The following PLCB4 variants were observed in gnomAD, a reference collection of about 807,000 sequenced individuals.
PLCB4 encodes the protein 1-phosphatidylinositol 4,5-bisphosphate phosphodiesterase beta-4.
In PLCB4, 77 loss-of-function variants were observed where a neutral mutation model predicts 178.8. The observed-to-expected ratio is 0.43, with a 90% confidence interval of 0.36 to 0.52. The LOEUF (loss-of-function observed/expected upper bound fraction) is 0.52, where lower values mean the gene tolerates loss of function less well. Ranked by LOEUF, PLCB4 falls within the 20% of genes least tolerant of loss-of-function variation. PLCB4 has a pLI of 0.00. For synonymous variants in PLCB4, 496 were observed against 490.8 expected (o/e 1.01, Z -0.14); for missense variants, 1,024 against 1,453.4 (o/e 0.70, Z 4.80).
chr20:9,193,022 A>G (rs2093425197), intron 2 of PLCB4, among the ~76,000 whole-genome samples: 1 of 152,130 alleles, frequency 6.6e-6, no homozygotes, highest in Non-Finnish European at 1.5e-5. Flanking sequence ...GCAAGATGCA[A>G]AATGCTTCTT....
intron 3 of PLCB4, among the ~76,000 whole-genome samples, chr20:9,225,799 C>T (rs2093857623): frequency 1.3e-5 from 2 of 152,148 alleles, no homozygotes; most frequent in Admixed American, 6.5e-5. Context: ...CAGTTCAGCT[C>T]CCTGGATTAT....
At chr20:9,220,938 C>G (rs937595180) in intron 3 of PLCB4, among the ~76,000 whole-genome samples, 10 of 152,084 alleles carry the variant, frequency 6.6e-5, no homozygotes, top group African/African-American at 2.4e-4. Flanking sequence ...AGCTCTTATC[C>G]ATGGTACAAC....
chr20:9,295,786 G>C (rs910761890), intron 3 of PLCB4, among the ~76,000 whole-genome samples: 2 of 152,158 alleles, frequency 1.3e-5, no homozygotes, highest in Non-Finnish European at 2.9e-5. Flanking sequence ...CTACATCTCT[G>C]TTTTGGTACC....
In PLCB4 at chr20:9,092,702, A is replaced by G. The variant is rs146617669; in HGVS notation, c.-134-3585A>G. Reference sequence around the variant, plus strand: ...TGGCATCTCAGCAGTGCCATCAGGGAACCAGGTTCCTTCTGTCTTTCTCAC... The same window carrying G: ...TGGCATCTCAGCAGTGCCATCAGGGGACCAGGTTCCTTCTGTCTTTCTCAC... On this transcript the variant is annotated intron_variant, in intron 1 of 39. Transcript: ENST00000378473. Among the ~76,000 whole-genome samples the G allele has an allele frequency of 1.5e-3, 229 of 152,268 alleles. 2 individuals are homozygous for G. The highest frequency in any genetic ancestry group is 5.0e-3 in the African/African-American group (207 of 41,558).
chr20:9,387,223 A>T (rs760750514), intron 14 of PLCB4, among the ~76,000 whole-genome samples: 4 of 152,066 alleles, frequency 2.6e-5, no homozygotes, highest in Admixed American at 6.5e-5. Flanking sequence ...CAGAACCATG[A>T]TGCTTGTTAT....
intron 15 of PLCB4, 139 bp from the exon 16 acceptor site, chr20:9,389,740 G>A (rs2037981863): frequency 5.1e-6 from 3 of 588,498 alleles, no homozygotes; most frequent in South Asian, 2.3e-5. Flanking sequence ...CTTTAGAGGT[G>A]TCAAGGTAGA....
chr20:9,380,568 C>T lies in PLCB4; in HGVS notation c.853+406C>T, dbSNP rs565740855. On this transcript the variant is annotated intron_variant, in intron 13 of 39. Coordinates refer to ENST00000378473, the MANE Select transcript of PLCB4 (RefSeq NM_001377142.1). ...TTTGCCAAGCCAAATAAATTTAATACGTGATTTGATGTGCAGTAACCCTCA... is the reference window on the plus strand; with the variant it reads ...TTTGCCAAGCCAAATAAATTTAATATGTGATTTGATGTGCAGTAACCCTCA... 4.2e-4 allele frequency among the ~76,000 whole-genome samples: 64 copies of T among 152,194 alleles called. 1 individual carries two copies. Among genetic ancestry groups the T allele is most frequent in the Admixed American group, 1.3e-4 (2 of 15,274 alleles).
At chr20:9,387,652 A>G (rs1452053550) in intron 15 of PLCB4, 96 bp downstream of exon 15, 2 of 599,342 alleles carry the variant, frequency 3.3e-6, no homozygotes, top group African/African-American at 3.7e-5. Flanking sequence ...TCATTTTCTC[A>G]AGCATTATGC....
rs2122774276 is a variant in PLCB4 at position 9,480,579 on chromosome 20, C to A, written c.*1570C>A. On this transcript the variant is annotated 3_prime_UTR_variant, in exon 40 of 40. Coordinates refer to ENST00000378473, the MANE Select transcript of PLCB4 (RefSeq NM_001377142.1). Reference sequence around the variant, plus strand: ...TATTTTCAAAGGGGGCTTATTAATACCCTCAGCATGTTTTTCACCCAAATG... The same window carrying A: ...TATTTTCAAAGGGGGCTTATTAATAACCTCAGCATGTTTTTCACCCAAATG... 1 of 152,228 alleles carries A rather than the reference C, an allele frequency of 6.6e-6. No homozygotes were observed. Among genetic ancestry groups the A allele is most frequent in the Non-Finnish European group, 1.5e-5 (1 of 68,008 alleles). The allele number at this position is 152,228 out of a possible 1,614,324, so 9.4% of individuals were successfully genotyped here.
intron 2 of PLCB4, among the ~76,000 whole-genome samples, chr20:9,180,440 A>G (rs2093226444): frequency 6.6e-6 from 1 of 152,138 alleles, no homozygotes; most frequent in African/African-American, 2.4e-5. Flanking sequence ...AAATTGGGGC[A>G]TTTATTAGTT....
At chr20:9,099,391 G>T (rs1020138006) in intron 2 of PLCB4, among the ~76,000 whole-genome samples, 3 of 152,122 alleles carry the variant, frequency 2.0e-5, no homozygotes, top group African/African-American at 7.2e-5. Context: ...TTCTTGTATG[G>T]TAGCTTGGTT....
intron 32 of PLCB4, among the ~76,000 whole-genome samples, chr20:9,449,362 T>C (rs1250984002): frequency 6.6e-6 from 1 of 152,010 alleles, no homozygotes; most frequent in Non-Finnish European, 1.5e-5. Context: ...CAAATGCCTA[T>C]GGGGTCCAAG....
At chr20:9,248,128 ATATATAT>A (rs1035899204) in intron 3 of PLCB4, among the ~76,000 whole-genome samples, 50 of 152,124 alleles carry the variant, frequency 3.3e-4, no homozygotes, top group Non-Finnish European at 6.3e-4. Flanking sequence ...TTTATATTAC[ATATATAT>A]TATATATCTC....
In PLCB4 at chr20:9,419,989, TA is replaced by T. The variant is rs1372654697; in HGVS notation, c.2154+83del. The T allele has an allele frequency of 1.3e-5, 11 of 874,022 alleles. No homozygotes were observed. In the East Asian group the frequency reaches 2.4e-4, roughly 19 times the overall value. The allele number at this position is 874,022 out of a possible 1,614,324, so 54.1% of individuals were successfully genotyped here. On this transcript the variant is annotated intron_variant, in intron 26 of 39. Coordinates refer to ENST00000378473, the MANE Select transcript of PLCB4 (RefSeq NM_001377142.1). ...AAAGAAATTATAAAATATTGAATGT[TA>T]AATTGCAAGATCCATGTGCTGCTCA...
rs1377625881 is a variant in PLCB4, at chr20:9,480,313, C to G, written c.*1304C>G. The G allele has an allele frequency of 6.6e-6, 1 of 152,612 alleles. No homozygotes were observed. Among genetic ancestry groups the G allele is most frequent in the Non-Finnish European group, 1.5e-5 (1 of 68,040 alleles). The allele number at this position is 152,612 out of a possible 1,614,324, so 9.5% of individuals were successfully genotyped here. A position where few individuals can be genotyped will look rare whatever the true frequency, so the allele number is the denominator to read the frequency against. On this transcript the variant is annotated 3_prime_UTR_variant, in exon 40 of 40. Coordinates refer to ENST00000378473, the MANE Select transcript of PLCB4 (RefSeq NM_001377142.1). ...CGCATGGAAACCCGGTAGTCTAGAA[C>G]TAATCAGATTACTGATTTTAGGGCA...
chr20:9,076,147 C>T (rs922629856), intron 1 of PLCB4, among the ~76,000 whole-genome samples: 54 of 151,954 alleles, frequency 3.6e-4, no homozygotes, highest in Middle Eastern at 3.4e-3. Flanking sequence ...ATGTTTTTTC[C>T]TCCTGTTTCA....
chr20:9,311,659 C>G (rs1266018555), intron 4 of PLCB4, among the ~76,000 whole-genome samples: 1 of 152,120 alleles, frequency 6.6e-6, no homozygotes, highest in East Asian at 1.9e-4. Flanking sequence ...AATTCAAGTC[C>G]CTCCTCATCC....
chr20:9,153,275 A>G (rs1036946953), intron 2 of PLCB4, among the ~76,000 whole-genome samples: 7 of 152,142 alleles, frequency 4.6e-5, no homozygotes, highest in Admixed American at 3.3e-4. Context: ...GGAGGGGCCA[A>G]GGGTGGAATG....
chr20:9,363,121 C>T (rs554848892), intron 8 of PLCB4, 146 bp downstream of exon 8: 87 of 675,214 alleles, frequency 1.3e-4, no homozygotes, highest in South Asian at 5.5e-4. Context: ...CCAACACACA[C>T]CTGTACTCTT....
Sources: allele counts gnomAD v4.1 joint callset (sites outside exome capture counted in the v4.1 genomes callset), GRCh38; gene constraint gnomAD v4.1.1; transcripts MANE v1.5; gene names NCBI Gene and HGNC (gene_info 2026-07-23, HGNC 2026-07-21).